The following NRG1 variants were observed in gnomAD, a reference collection of about 807,000 sequenced individuals.
NRG1 encodes pro-neuregulin-1, membrane-bound isoform.
In NRG1, 18 loss-of-function variants were observed where a neutral mutation model predicts 63.8. That is an observed-to-expected ratio of 0.28 (90% CI 0.19 to 0.42). The LOEUF (loss-of-function observed/expected upper bound fraction) is 0.42. Among genes scored for constraint, NRG1 ranks in the 10% least tolerant of loss-of-function variants. The pLI is 1.00. For synonymous variants in NRG1, 302 were observed against 301.3 expected, an observed-to-expected ratio of 1.00 and a Z score of -0.02; for missense variants, 762 against 814.7, an observed-to-expected ratio of 0.94 and a Z score of 0.79.
At chr8:31,901,272 A>G (rs1232899594) in intron 1 of NRG1, among the ~76,000 whole-genome samples, 1 of 152,224 alleles carries the variant, frequency 6.6e-6, no homozygotes, top group African/African-American at 2.4e-5. Flanking sequence ...AGCTTCAGGC[A>G]GGTTCTTTCT....
chr8:32,674,158 G>T (rs902739453), intron 5 of NRG1, among the ~76,000 whole-genome samples: 2 of 152,114 alleles, frequency 1.3e-5, no homozygotes, highest in Non-Finnish European at 2.9e-5. Flanking sequence ...CATCAATACA[G>T]TGCAGTTTTA....
intron 5 of NRG1, among the ~76,000 whole-genome samples, chr8:32,716,284 C>T (rs1486015106): frequency 6.6e-6 from 1 of 152,172 alleles, no homozygotes; most frequent in Non-Finnish European, 1.5e-5. Context: ...CAAATCTCAA[C>T]TGAAGACTTT....
intron 3 of NRG1, among the ~76,000 whole-genome samples, chr8:32,608,920 G>A (rs983064583): frequency 2.6e-5 from 4 of 152,136 alleles, no homozygotes; most frequent in African/African-American, 9.7e-5. Flanking sequence ...GTTCCCCAGT[G>A]AAATTCCGCA....
intron 1 of NRG1, among the ~76,000 whole-genome samples, chr8:32,185,126 G>A (rs887879901): frequency 5.3e-5 from 8 of 152,078 alleles, no homozygotes; most frequent in South Asian, 4.2e-4. Flanking sequence ...CCACACTCCC[G>A]TGGGTGCTCA....
At chr8:31,849,315 C>T (rs148587837) in intron 1 of NRG1, among the ~76,000 whole-genome samples, 71 of 152,282 alleles carry the variant, frequency 4.7e-4, no homozygotes, top group African/African-American at 1.3e-3. Context: ...ACTCCCACAC[C>T]GCACAGCTGC....
chr8:32,206,846 A>T (rs1168512351), intron 1 of NRG1, among the ~76,000 whole-genome samples: 1 of 152,222 alleles, frequency 6.6e-6, no homozygotes, highest in Non-Finnish European at 1.5e-5. Context: ...GTCCACGTGT[A>T]CACGTTATTT....
Position 32,742,823 on chromosome 8 carries a change from C to T in NRG1, c.691+90C>T. Reference sequence around the variant, plus strand: ...TTGCTGCATCTCCCCTCAGATTCCACCTAGAGCTAGATGTGTCTTACCAGA... The same window carrying T: ...TTGCTGCATCTCCCCTCAGATTCCATCTAGAGCTAGATGTGTCTTACCAGA... On this transcript the variant is annotated intron_variant, in intron 7 of 11. Coordinates refer to ENST00000356819, the Ensembl canonical transcript of NRG1. The surrounding 1 kb of genome is among the most constrained non-coding windows in gnomAD (Gnocchi z 4.2). The T allele has an allele frequency of 6.2e-7, 1 of 1,611,924 alleles. No individual in the cohort carries two copies. Among genetic ancestry groups the T allele is most frequent in the South Asian group, 1.1e-5 (1 of 90,954 alleles).
rs78944676 is a variant in NRG1 at position 31,988,410 on chromosome 8, C to T, written c.37+348979C>T. On this transcript the variant is annotated intron_variant, in intron 1 of 10. Transcript: ENST00000519301. ...ACACCGCTCATGTGGCCACCCCTAA[C>T]TGACCCAGTTGACCATGGATCCAAT... Among the ~76,000 whole-genome samples the T allele has an allele frequency of 3.9e-5, 6 of 152,232 alleles. No homozygotes were observed. The East Asian group carries it at 7.8e-4, about 20-fold the overall frequency.
chr8:31,926,768 A>G (rs1834390889), intron 1 of NRG1, among the ~76,000 whole-genome samples: 1 of 152,014 alleles, frequency 6.6e-6, no homozygotes, highest in Non-Finnish European at 1.5e-5. Flanking sequence ...AAAAGCTTAG[A>G]CTCTGGGGAA....
intron 1 of NRG1, among the ~76,000 whole-genome samples, chr8:32,574,594 G>GTC (rs774911541): frequency 1.9e-4 from 29 of 152,106 alleles, no homozygotes; most frequent in African/African-American, 6.7e-4. Context: ...AAAGTGTGTG[G>GTC]TCTCTCTCTC....
At chr8:31,951,724 G>A (rs909600812) in intron 1 of NRG1, among the ~76,000 whole-genome samples, 1 of 152,144 alleles carries the variant, frequency 6.6e-6, no homozygotes, top group Non-Finnish European at 1.5e-5. Context: ...CTGGGATGGT[G>A]AGCAAAATGA....
intron 1 of NRG1, among the ~76,000 whole-genome samples, chr8:31,868,144 TCTTACACACACACACACACACACACA>T (rs1829137842): frequency 1.8e-5 from 2 of 110,980 alleles, no homozygotes; most frequent in East Asian, 5.9e-4. Flanking sequence ...CACACATACA[TCTTACACACACACACACACACACACA>T]CACACACACA....
At position 32,648,831 on chromosome 8, in the gene NRG1, G is replaced by A. The variant is rs370374299; in HGVS notation, c.502+31946G>A. On this transcript the variant is annotated intron_variant, in intron 5 of 11. Transcript: ENST00000356819. ...TCTCTCTGTTACCCTCTACCTCTCA[G>A]CGACCCCAAGCTGCCTGTTGTCTCT... is the stretch of plus-strand genomic sequence containing the variant. Among the ~76,000 whole-genome samples the A allele has an allele frequency of 1.0e-3, 156 of 152,036 alleles. 1 individual carries two copies. Among genetic ancestry groups the A allele is most frequent in the African/African-American group, 3.5e-3 (146 of 41,454 alleles).
chr8:32,401,119 C>T (rs10954838), intron 1 of NRG1, among the ~76,000 whole-genome samples: 74,016 of 151,670 alleles, frequency 0.49, 18,497 homozygotes, highest in Non-Finnish European at 0.54. Flanking sequence ...TGGAGGGGAA[C>T]GACAGACACT....
intron 1 of NRG1, among the ~76,000 whole-genome samples, chr8:32,321,091 C>T (rs529925954): frequency 6.6e-6 from 1 of 152,176 alleles, no homozygotes; most frequent in African/African-American, 2.4e-5. Flanking sequence ...AACACTGTGG[C>T]ACTTCTTAAA....
At chr8:32,100,868 CT>C (rs1366329716) in intron 1 of NRG1, among the ~76,000 whole-genome samples, 3 of 152,106 alleles carry the variant, frequency 2.0e-5, no homozygotes, top group African/African-American at 2.4e-5. Context: ...TTCAGGGAAT[CT>C]GAAAGAAATA....
intron 1 of NRG1, among the ~76,000 whole-genome samples, chr8:32,135,177 C>T (rs1318921549): frequency 2.0e-5 from 3 of 152,064 alleles, no homozygotes; most frequent in African/African-American, 7.2e-5. Context: ...GAACCAAGGC[C>T]AGATCATGGG....
Position 31,639,899 on chromosome 8 carries a change from C to T in NRG1, c.37+468C>T, listed in dbSNP as rs544401886. 3.0e-5 allele frequency: 33 copies of T among 1,088,030 alleles called. 1 individual carries two copies. In the Admixed American group the frequency reaches 1.6e-3, roughly 53 times the overall value. The allele number at this position is 1,088,030 out of a possible 1,614,324, so 67.4% of individuals were successfully genotyped here. A position where few individuals can be genotyped will look rare whatever the true frequency, so the allele number is the denominator to read the frequency against. ...CAAGGGGGGAGGAGGAGGAGTGGTG[C>T]TGCGAGGGGAAGGAAAAGGGAGGCA... On this transcript the variant is annotated intron_variant, in intron 1 of 10. Coordinates refer to the NRG1 transcript ENST00000519301.
intron 5 of NRG1, among the ~76,000 whole-genome samples, chr8:32,686,586 T>C (rs1465414163): frequency 6.6e-6 from 1 of 152,200 alleles, no homozygotes; most frequent in Non-Finnish European, 1.5e-5. Flanking sequence ...ACAAGATTAT[T>C]TGTGGGACAC....
Sources: allele counts gnomAD v4.1 joint callset (sites outside exome capture counted in the v4.1 genomes callset), GRCh38; gene constraint gnomAD v4.1.1; non-coding constraint Gnocchi (gnomAD v3.1); transcripts MANE v1.5; gene names NCBI Gene and HGNC (gene_info 2026-07-23, HGNC 2026-07-21).